Variants in MEMO1 observed in about 807,000 individuals in gnomAD.
MEMO1 encodes mediator of cell motility 1.
Under a neutral mutation model 45.2 loss-of-function variants are expected in MEMO1, and 6 were observed. That is an observed-to-expected ratio of 0.13 (90% CI 0.07 to 0.26). The LOEUF (loss-of-function observed/expected upper bound fraction) is 0.26. Among genes scored for constraint, MEMO1 ranks in the 10% least tolerant of loss-of-function variants. The probability of loss-of-function intolerance (pLI) is 1.00; values close to 1 mark genes in which losing one functional copy is unlikely to be tolerated. For synonymous variants in MEMO1, 78 were observed against 124.3 expected (o/e 0.63, Z 2.48); for missense variants, 184 against 370.5 (o/e 0.50, Z 4.13).
At chr2:31,892,201 TG>T in intron 6 of MEMO1, 67 bp from the exon 7 acceptor site, 1 of 1,420,014 alleles carries the variant, frequency 7.0e-7, no homozygotes, top group Non-Finnish European at 9.7e-7. Context: ...CCAAATGTGT[TG>T]GCATTAGAAA....
chr2:31,899,553 A>T (rs909962437), intron 6 of MEMO1, among the ~76,000 whole-genome samples: 1 of 152,250 alleles, frequency 6.6e-6, no homozygotes, highest in Non-Finnish European at 1.5e-5. Context: ...TTAAAAACTT[A>T]AACGTAAGAC....
intron 3 of MEMO1, among the ~76,000 whole-genome samples, chr2:31,936,724 A>AATGC: frequency 6.6e-6 from 1 of 152,362 alleles, no homozygotes; most frequent in Non-Finnish European, 1.5e-5. Flanking sequence ...CTTCAGGGTC[A>AATGC]CAGGTGAACA....
chr2:31,880,165 C>A (rs1209840113), intron 8 of MEMO1, among the ~76,000 whole-genome samples: 2 of 152,156 alleles, frequency 1.3e-5, no homozygotes, highest in Non-Finnish European at 2.9e-5. Flanking sequence ...AGCAGATACC[C>A]ATTAACCATT....
At chr2:31,988,629 G>C (rs1446326147) in intron 2 of MEMO1, among the ~76,000 whole-genome samples, 3 of 152,336 alleles carry the variant, frequency 2.0e-5, no homozygotes, top group Admixed American at 6.5e-5. Flanking sequence ...TACAGTAGTA[G>C]TCACTACATT....
intron 6 of MEMO1, among the ~76,000 whole-genome samples, chr2:31,904,132 G>A (rs958008642): frequency 3.3e-5 from 5 of 152,188 alleles, no homozygotes; most frequent in African/African-American, 1.2e-4. Flanking sequence ...AGGCATAGGA[G>A]CTTTACCTGA....
intron 2 of MEMO1, among the ~76,000 whole-genome samples, chr2:31,969,395 G>A (rs1270548111): frequency 3.4e-5 from 5 of 145,476 alleles, no homozygotes; most frequent in Admixed American, 7.1e-5. Context: ...ATATATATAC[G>A]TGTATATACA....
intron 6 of MEMO1, among the ~76,000 whole-genome samples, chr2:31,914,961 TAAAAAAAA>T (rs34556047): frequency 8.3e-6 from 1 of 120,220 alleles, no homozygotes; most frequent in African/African-American, 3.2e-5. Flanking sequence ...TGTCTCTTTT[TAAAAAAAA>T]AAAAAAAAAA....
At chr2:31,880,206 T>C (rs1382713734) in intron 8 of MEMO1, among the ~76,000 whole-genome samples, 2 of 152,126 alleles carry the variant, frequency 1.3e-5, no homozygotes, top group African/African-American at 2.4e-5. Flanking sequence ...ATTTGCTATA[T>C]GGAAAAAGCC....
At chr2:31,989,168 C>A (rs893420723) in intron 2 of MEMO1, among the ~76,000 whole-genome samples, 1 of 149,956 alleles carries the variant, frequency 6.7e-6, no homozygotes, top group Admixed American at 6.7e-5. Flanking sequence ...CCAAAGGCTG[C>A]GGTGAGCCAA....
chr2:31,958,734 C>G (rs1299410252), intron 2 of MEMO1, among the ~76,000 whole-genome samples: 2 of 152,208 alleles, frequency 1.3e-5, no homozygotes, highest in Non-Finnish European at 2.9e-5. Context: ...TGAGTGCAAC[C>G]TCCGCTTCCC....
At chr2:31,967,693 C>T (rs1228139260) in intron 2 of MEMO1, among the ~76,000 whole-genome samples, 2 of 152,168 alleles carry the variant, frequency 1.3e-5, no homozygotes, top group East Asian at 3.9e-4. Flanking sequence ...ATCCATCCAG[C>T]TTGGCCTCCA....
rs778852048 is a variant in MEMO1, at chr2:31,917,988, C to G, written c.375G>C (p.Gln125His). Residue 125 changes from glutamine (Q) to histidine (H), a missense_variant, in exon 6 of 10, where the codon CAG becomes CAC. Coordinates refer to ENST00000404530, the MANE Select transcript of MEMO1 (RefSeq NM_001301833.4). ...CAATACTGTGTTCATCTTCATCTGT[C>G]TGCAGAGACATGCGTTCAAACATTC... ...KTGMFERMSLQTDEDEHSIEM... is the reference protein window; with the variant it reads ...KTGMFERMSLHTDEDEHSIEM... 1 of 1,611,726 alleles carries G rather than the reference C, an allele frequency of 6.2e-7. No individual in the cohort carries two copies. Among genetic ancestry groups the G allele is most frequent in the East Asian group, 2.2e-5 (1 of 44,770 alleles).
chr2:31,979,571 G>A (rs947322301), intron 2 of MEMO1, among the ~76,000 whole-genome samples: 20 of 152,074 alleles, frequency 1.3e-4, no homozygotes, highest in African/African-American at 4.1e-4. Context: ...AGTGGTGACA[G>A]CACAATGTCA....
At chr2:31,958,714 C>T (rs990481359) in intron 2 of MEMO1, among the ~76,000 whole-genome samples, 4 of 152,174 alleles carry the variant, frequency 2.6e-5, no homozygotes, top group African/African-American at 9.7e-5. Context: ...TGCAATGGCA[C>T]GATCTCAGCT....
At chr2:31,953,486 C>A (rs977602039) in intron 2 of MEMO1, among the ~76,000 whole-genome samples, 8 of 148,366 alleles carry the variant, frequency 5.4e-5, no homozygotes, top group Non-Finnish European at 8.9e-5. Context: ...GACGGAGTCT[C>A]GCTCTGTCAC....
chr2:31,897,731 T>C (rs1678085190), intron 6 of MEMO1, among the ~76,000 whole-genome samples: 2 of 152,204 alleles, frequency 1.3e-5, no homozygotes, highest in Admixed American at 1.3e-4. Flanking sequence ...GCTGTCCTCA[T>C]AAAACGAGTT....
intron 2 of MEMO1, among the ~76,000 whole-genome samples, chr2:31,972,826 C>G (rs2148467690): frequency 6.6e-6 from 1 of 152,218 alleles, no homozygotes; most frequent in South Asian, 2.1e-4. Flanking sequence ...AGAGACAACC[C>G]AATTTTAAAA....
At chr2:31,939,018 C>T (rs1665290701) in intron 3 of MEMO1, among the ~76,000 whole-genome samples, 1 of 151,082 alleles carries the variant, frequency 6.6e-6, no homozygotes, top group African/African-American at 2.4e-5. Flanking sequence ...CTCCTGAGCT[C>T]AAGCATCTTC....
intron 6 of MEMO1, among the ~76,000 whole-genome samples, chr2:31,917,076 A>T (rs370539903): frequency 2.6e-5 from 4 of 152,220 alleles, no homozygotes; most frequent in African/African-American, 9.6e-5. Context: ...ATATAATGTT[A>T]TCTTAGACTT....
Sources: allele counts gnomAD v4.1 joint callset (sites outside exome capture counted in the v4.1 genomes callset), GRCh38; gene constraint gnomAD v4.1.1; transcripts MANE v1.5; gene names NCBI Gene and HGNC (gene_info 2026-07-23, HGNC 2026-07-21).